Variants in MARF1 observed in about 807,000 individuals in gnomAD.
The protein encoded by MARF1 is meiosis regulator and mRNA stability factor 1, also known as limkain-b1.
A neutral mutation model predicts 168.2 loss-of-function variants in MARF1; 24 were observed. The ratio of observed to expected loss-of-function variants is 0.14; its 90% confidence interval spans 0.10 to 0.20. The LOEUF (loss-of-function observed/expected upper bound fraction) is 0.20. Ranked by LOEUF, MARF1 falls within the 10% of genes least tolerant of loss-of-function variation. The probability of loss-of-function intolerance (pLI) is 1.00; values close to 1 mark genes in which losing one functional copy is unlikely to be tolerated. For missense variants in MARF1, 1,744 were observed against 2,143.6 expected, an observed-to-expected ratio of 0.81 and a Z score of 3.68; for synonymous variants, 868 against 822.4, an observed-to-expected ratio of 1.06 and a Z score of -0.95.
intron 5 of MARF1, among the ~76,000 whole-genome samples, chr16:15,632,234 C>T (rs1208279854): frequency 2.0e-5 from 3 of 152,156 alleles, no homozygotes; most frequent in African/African-American, 7.2e-5. Flanking sequence ...TAAATTTGCT[C>T]TAATAGCTTC....
rs1333863474 is a variant in MARF1, at chr16:15,621,751, T to G, written c.2621A>C (p.Lys874Thr). The G allele has an allele frequency of 1.2e-6, 2 of 1,614,146 alleles. No individual in the cohort carries two copies. The highest frequency in any genetic ancestry group is 2.2e-5 in the South Asian group (2 of 91,074). ...LVSLATGAAS[K>T]SLSLLSAETM... ...TTCTTACCTCAGTAAAGAGAGTGAT[T>G]TGCTGGCAGCCCCGGTGGCAAGTGA... The change falls in exon 12 of 27, where the codon AAA becomes ACA. Residue 874 changes from lysine to threonine, a missense_variant. Around this residue, in one of 7 missense-constraint regions of MARF1, gnomAD observed 543 missense variants for 742.1 expected, o/e 0.73. Coordinates refer to ENST00000396368, the MANE Select transcript of MARF1 (RefSeq NM_014647.4).
chr16:15,622,013 G>A lies in MARF1; in HGVS notation c.2461-102C>T, dbSNP rs143912468. 417 of 1,050,530 alleles carry A rather than the reference G, an allele frequency of 4.0e-4. 1 individual carries two copies. The African/African-American group carries it at 5.7e-3, about 14-fold the overall frequency. 65.1% of individuals were successfully genotyped at this position (1,050,530 alleles called of 1,614,324 possible). A position where few individuals can be genotyped will look rare whatever the true frequency, so the allele number is the denominator to read the frequency against. On this transcript the variant is annotated intron_variant, in intron 11 of 26. Coordinates refer to ENST00000396368, the MANE Select transcript of MARF1 (RefSeq NM_014647.4). ...AAGGAACACATTTGTCGACTGCAGC[G>A]CTTCCATGAAGGAGTATGTCTGAAC...
intron 12 of MARF1, among the ~76,000 whole-genome samples, chr16:15,621,026 T>G (rs2034417436): frequency 6.6e-6 from 1 of 152,196 alleles, no homozygotes. Context: ...TGGATGGTTT[T>G]TTTTCCCCTG....
chr16:15,633,877 G>C (rs542495464), intron 4 of MARF1, 34 bp from the exon 5 acceptor site: 2 of 1,506,892 alleles, frequency 1.3e-6, no homozygotes, highest in South Asian at 2.4e-5. Context: ...ATTACTTGTA[G>C]TGGAAAATAA....
intron 4 of MARF1, among the ~76,000 whole-genome samples, chr16:15,634,338 C>T (rs983295886): frequency 6.6e-6 from 1 of 152,134 alleles, no homozygotes; most frequent in Non-Finnish European, 1.5e-5. Flanking sequence ...GTTTTCAAAA[C>T]GTCGCATTAA....
In MARF1 at chr16:15,612,675, A is replaced by G; in HGVS notation, c.3356T>C (p.Ile1119Thr). 1.2e-6 allele frequency: 2 copies of G among 1,614,208 alleles called. No individual in the cohort carries two copies. The highest frequency in any genetic ancestry group is 2.2e-5 in the East Asian group (1 of 44,886). ...DLLKSQPSCV[I>T]PISHFIPSYH... is the part of the protein sequence containing the mutation. ...GGATGGGATGAAATGACTGATGGGT[A>G]TGACACAAGATGGCTGGCTTTTCAG... Residue 1119 changes from isoleucine to threonine, a missense_variant, in exon 17 of 27, where the codon ATA (isoleucine) becomes ACA (threonine). Physicochemically the swap from Ile to Thr is moderately conservative, Grantham distance 89. Coordinates refer to ENST00000396368, the MANE Select transcript of MARF1 (RefSeq NM_014647.4).
intron 1 of MARF1, among the ~76,000 whole-genome samples, chr16:15,639,759 C>A (rs964544657): frequency 6.6e-6 from 1 of 152,164 alleles, no homozygotes; most frequent in Non-Finnish European, 1.5e-5. Flanking sequence ...GAAAAAAACA[C>A]AAAATATCAG....
intron 6 of MARF1, among the ~76,000 whole-genome samples, chr16:15,631,037 G>A (rs2035216864): frequency 1.3e-5 from 2 of 152,174 alleles, no homozygotes; most frequent in Admixed American, 6.5e-5. Flanking sequence ...GGCTGAGGCA[G>A]AAGAATCACT....
rs374362007 is a variant in MARF1, at chr16:15,600,473, C to T, written c.4768G>A (p.Glu1590Lys). 2.4e-5 allele frequency: 38 copies of T among 1,614,038 alleles called. No homozygotes were observed. Among genetic ancestry groups the T allele is most frequent in the Middle Eastern group, 1.6e-4 (1 of 6,084 alleles). ...TTGAGTTCCGAGGCTGTGTGCGATT[C>T]GGGCACCTCCAGGATGCGCTCGCCC... ...SEGERILEVPESHTASELKLG... is the reference protein window; with the variant it reads ...SEGERILEVPKSHTASELKLG... The change falls in exon 25 of 27, where the codon GAA (glutamate) becomes AAA (lysine). Residue 1590 changes from glutamate (E) to lysine (K), a missense_variant. Physicochemically the swap from Glu to Lys is moderately conservative, Grantham distance 56 (BLOSUM62 1). Coordinates refer to ENST00000396368, the MANE Select transcript of MARF1 (RefSeq NM_014647.4).
intron 16 of MARF1, among the ~76,000 whole-genome samples, chr16:15,614,481 C>CAAAA (rs59862823): frequency 2.1e-5 from 1 of 47,666 alleles, no homozygotes; most frequent in African/African-American, 9.1e-5. Flanking sequence ...GACTCCGTCT[C>CAAAA]AAAAAAAAAA....
Position 15,617,287 on chromosome 16 carries a change from C to A in MARF1, c.2957+12G>T. 1 of 1,611,918 alleles carries A rather than the reference C, an allele frequency of 6.2e-7. No homozygotes were observed. Among genetic ancestry groups the A allele is most frequent in the South Asian group, 1.1e-5 (1 of 91,006 alleles). On this transcript the variant is annotated intron_variant, in intron 14 of 26. Coordinates refer to ENST00000396368, the MANE Select transcript of MARF1 (RefSeq NM_014647.4). ...GAAAAGAATTACTTCTAAAGGAAAA[C>A]GAACGGCACACCTGAAATCCTTATT...
chr16:15,617,232 G>A, intron 14 of MARF1, 61 bp from the exon 15 acceptor site: 1 of 1,610,230 alleles, frequency 6.2e-7, no homozygotes, highest in Non-Finnish European at 8.5e-7. Flanking sequence ...ATGTTCACAA[G>A]GTCATCCTAA....
rs1279504226 is a variant in MARF1 at position 15,643,071 on chromosome 16, G to GC, written c.-113dup. The GC allele has an allele frequency of 5.2e-3, 435 of 83,442 alleles. 1 individual carries two copies. Among genetic ancestry groups the GC allele is most frequent in the African/African-American group, 0.017 (265 of 15,538 alleles). The allele number at this position is 83,442 out of a possible 1,614,324, so 5.2% of individuals were successfully genotyped here. A position where few individuals can be genotyped will look rare whatever the true frequency, so the allele number is the denominator to read the frequency against. On this transcript the variant is annotated 5_prime_UTR_variant, in exon 1 of 27. Coordinates refer to ENST00000396368, the MANE Select transcript of MARF1 (RefSeq NM_014647.4). ...ATTCCGGCCCCGCCGCCTTCCCCCC[G>GC]CCCCCCCCAGGCCCTTTGTTTTGAT...
At chr16:15,638,087 ACT>A (rs1409416873) in intron 2 of MARF1, among the ~76,000 whole-genome samples, 1 of 152,078 alleles carries the variant, frequency 6.6e-6, no homozygotes, top group African/African-American at 2.4e-5. Context: ...AATCCCTTGA[ACT>A]AGGGACAGTG....
chr16:15,634,207 C>G (rs2035436936), intron 4 of MARF1, among the ~76,000 whole-genome samples: 1 of 152,196 alleles, frequency 6.6e-6, no homozygotes, highest in Non-Finnish European at 1.5e-5. Context: ...TCAAGCTTAG[C>G]CCACACTTAT....
rs575199767 is a variant in MARF1, at chr16:15,643,033, C to G, written c.-74G>C. The G allele has an allele frequency of 7.0e-6, 2 of 286,456 alleles. No individual in the cohort carries two copies. Among genetic ancestry groups the G allele is most frequent in the South Asian group, 5.4e-5 (2 of 36,784 alleles). The allele number at this position is 286,456 out of a possible 1,614,324, so 17.7% of individuals were successfully genotyped here. On this transcript the variant is annotated 5_prime_UTR_variant, in exon 1 of 27. Transcript: ENST00000396368. ...GCAAACTCACCTCTGCCGCCGGCTC[C>G]ACCTCCGCTCACATTCCGGCCCCGC...
intron 2 of MARF1, 74 bp downstream of exon 2, chr16:15,639,016 T>C (rs1027977299): frequency 1.4e-6 from 2 of 1,473,626 alleles, no homozygotes; most frequent in African/African-American, 1.4e-5. Context: ...AGAGACTGTA[T>C]CCCAGACCAA....
chr16:15,618,023 G>A (rs1278980976), intron 13 of MARF1, among the ~76,000 whole-genome samples: 7 of 152,178 alleles, frequency 4.6e-5, no homozygotes. Context: ...GGAACTTAAA[G>A]GCACTGGCCC....
chr16:15,611,446 C>CAA (rs995305393), intron 18 of MARF1, 146 bp downstream of exon 18: 21,895 of 414,572 alleles, frequency 0.053, 11 homozygotes, highest in South Asian at 0.093. Flanking sequence ...GACTCCGTCT[C>CAA]AAAAAAAAAA....
Sources: allele counts gnomAD v4.1 joint callset (sites outside exome capture counted in the v4.1 genomes callset), GRCh38; gene constraint gnomAD v4.1.1; regional missense constraint gnomAD v4.1.1; transcripts MANE v1.5; gene names NCBI Gene and HGNC (gene_info 2026-07-23, HGNC 2026-07-21).